The following FBXL18 variants were observed in gnomAD, a reference collection of about 807,000 sequenced individuals.
The protein encoded by FBXL18 is F-box/LRR-repeat protein 18.
Under a neutral mutation model 46.0 loss-of-function variants are expected in FBXL18, and 36 were observed. That is an observed-to-expected ratio of 0.78 (90% CI 0.60 to 1.03). The LOEUF is 1.03. Among genes scored for constraint, FBXL18 ranks in the 50% least tolerant of loss-of-function variants. FBXL18 has a pLI of 0.00. For missense variants in FBXL18, 977 were observed against 1,004.1 expected, an observed-to-expected ratio of 0.97 and a Z score of 0.36; for synonymous variants, 557 against 465.3, an observed-to-expected ratio of 1.20 and a Z score of -2.54.
At chr7:5,510,227 G>A (rs770943002) in intron 1 of FBXL18, among the ~76,000 whole-genome samples, 11 of 149,490 alleles carry the variant, frequency 7.4e-5, no homozygotes, top group South Asian at 2.1e-4. Flanking sequence ...TGCTTGAACC[G>A]AGGAGGTGGA....
chr7:5,508,228 T>C (rs573703815), intron 1 of FBXL18, among the ~76,000 whole-genome samples: 72 of 149,706 alleles, frequency 4.8e-4, no homozygotes, highest in Admixed American at 8.1e-4. Flanking sequence ...ATCGCGCCAC[T>C]GCACTCCAGC....
rs973161098 is a variant in FBXL18 at position 5,455,663 on chromosome 7, G to T, written c.2001-7820C>A. ...TTGCTGACCATCCACTTCCCCGCAG[G>T]GGGGCTCAAACCCAGGCTGTGAATT... On this transcript the variant is annotated intron_variant and NMD_transcript_variant, in intron 4 of 6. Transcript: ENST00000415009. This position sits in a 1 kb window ranked among gnomAD's most constrained non-coding sequence, Gnocchi z 4.6. 3.9e-5 allele frequency among the ~76,000 whole-genome samples: 6 copies of T among 152,060 alleles called. No individual in the cohort carries two copies. The highest frequency in any genetic ancestry group is 8.8e-5 in the Non-Finnish European group (6 of 68,012).
downstream of FBXL18, among the ~76,000 whole-genome samples, chr7:5,470,996 T>C (rs1295862930): frequency 2.0e-5 from 3 of 152,088 alleles, no homozygotes; most frequent in Non-Finnish European, 4.4e-5. Context: ...GCGTGCAGCA[T>C]CTCACCCGGG....
At chr7:5,483,945 C>A (rs1357334983) in intron 4 of FBXL18, among the ~76,000 whole-genome samples, 2 of 152,138 alleles carry the variant, frequency 1.3e-5, no homozygotes, top group Non-Finnish European at 2.9e-5. Flanking sequence ...GCTGGACTCA[C>A]GACACACAGA....
At chr7:5,483,035 C>G (rs1783687619) in intron 4 of FBXL18, among the ~76,000 whole-genome samples, 1 of 146,710 alleles carries the variant, frequency 6.8e-6, no homozygotes. Flanking sequence ...AAGACCCTGT[C>G]TCAAAAAAAA....
chr7:5,509,517 A>AC (rs1562708715), intron 1 of FBXL18, among the ~76,000 whole-genome samples: 1 of 151,888 alleles, frequency 6.6e-6, no homozygotes, highest in African/African-American at 2.4e-5. Context: ...ATATGGTGAA[A>AC]CCCCATGTCT....
At chr7:5,513,389 G>A (rs1784590983) in intron 1 of FBXL18, among the ~76,000 whole-genome samples, 1 of 152,160 alleles carries the variant, frequency 6.6e-6, no homozygotes, top group Non-Finnish European at 1.5e-5. Context: ...GACCCTCAGG[G>A]GACGGAGAGA....
rs571565641 is a variant in FBXL18 at position 5,491,492 on chromosome 7, C to T, written c.1782-43G>A. 8.8e-5 allele frequency: 132 copies of T among 1,496,084 alleles called. 1 individual carries two copies. In the South Asian group the frequency reaches 1.3e-3, roughly 15 times the overall value. 92.7% of individuals were successfully genotyped at this position (1,496,084 alleles called of 1,614,324 possible). ...AGCTGTGAGGTCCGAGGGAGGGGCT[C>T]GCAGGCCAGGCCAGCTGGGCGTCTG... On this transcript the variant is annotated intron_variant, in intron 3 of 4. Transcript: ENST00000382368.
At chr7:5,504,079 C>T (rs1390867538) in intron 2 of FBXL18, among the ~76,000 whole-genome samples, 1 of 151,706 alleles carries the variant, frequency 6.6e-6, no homozygotes, top group Middle Eastern at 3.2e-3. Flanking sequence ...AGGCCTGATA[C>T]CAGCGTTGCA....
chr7:5,468,766 A>T (rs967008342), intron 4 of FBXL18, among the ~76,000 whole-genome samples: 21 of 151,852 alleles, frequency 1.4e-4, no homozygotes, highest in Non-Finnish European at 2.6e-4. Context: ...ACGACGGGCT[A>T]ACTTTTTAGT....
At position 5,501,693 on chromosome 7, in the gene FBXL18, G is replaced by A. The variant is rs761764710; in HGVS notation, c.576C>T (p.Thr192=). The A allele has an allele frequency of 3.7e-6, 6 of 1,602,212 alleles. No individual in the cohort carries two copies. The highest frequency in any genetic ancestry group is 1.7e-5 in the Admixed American group (1 of 58,522). The part of the protein sequence containing the change: ...TPSYGVVPCC[T]SLEKLLLYFE... ...AGTAGAGCAGCAGCTTCTCTAGGCTGGTGCAGCAGGGCACCACGCCGTAGG... is the reference window on the plus strand; with the variant it reads ...AGTAGAGCAGCAGCTTCTCTAGGCTAGTGCAGCAGGGCACCACGCCGTAGG... The change falls in exon 3 of 5, where the codon ACC becomes ACT. Residue 192 remains threonine, a synonymous_variant. Transcript: ENST00000382368.
At chr7:5,463,223 G>A (rs1293076584) in intron 4 of FBXL18, among the ~76,000 whole-genome samples, 1 of 151,508 alleles carries the variant, frequency 6.6e-6, no homozygotes, top group Admixed American at 6.6e-5. Context: ...TGGTGCAGCT[G>A]CTGAGGAGAA....
At chr7:5,460,236 T>G (rs1297192489) in intron 4 of FBXL18, among the ~76,000 whole-genome samples, 1 of 152,050 alleles carries the variant, frequency 6.6e-6, no homozygotes, top group Non-Finnish European at 1.5e-5. Flanking sequence ...ACAGAGTGAG[T>G]GAGACTCGGT....
intron 4 of FBXL18, among the ~76,000 whole-genome samples, chr7:5,470,046 G>A (rs907612170): frequency 1.3e-5 from 2 of 152,030 alleles, no homozygotes; most frequent in African/African-American, 2.4e-5. Context: ...TTGGACGAGT[G>A]AGTGCACATG....
Position 5,480,504 on chromosome 7 carries a change from A to T in FBXL18, c.*1271T>A, listed in dbSNP as rs1333995868. 6.7e-6 allele frequency: 1 copy of T among 149,380 alleles called. No individual in the cohort carries two copies. Among genetic ancestry groups the T allele is most frequent in the Non-Finnish European group, 1.5e-5 (1 of 67,700 alleles). The allele number at this position is 149,380 out of a possible 1,614,324, so 9.3% of individuals were successfully genotyped here. ...GGCTGATCTCAAACTCCTGGGCTCA[A>T]GTGATCCTCCCAAAGTGTGTTGAAT... On this transcript the variant is annotated 3_prime_UTR_variant, in exon 5 of 5. Transcript: ENST00000382368.
chr7:5,474,679 CTTTATTTTTTA>C (rs151196965), downstream of FBXL18, among the ~76,000 whole-genome samples: 51,810 of 129,392 alleles, frequency 0.4, 10,235 homozygotes, highest in East Asian at 0.69. Flanking sequence ...AAATTATGCA[CTTTATTTTTTA>C]TTTATTTATT....
At chr7:5,465,380 T>C (rs1783327094) in intron 4 of FBXL18, among the ~76,000 whole-genome samples, 1 of 151,978 alleles carries the variant, frequency 6.6e-6, no homozygotes, top group Non-Finnish European at 1.5e-5. Flanking sequence ...TTTGTATGTT[T>C]AGTCGAGACG....
In FBXL18 at chr7:5,478,444, T is replaced by C. The variant is rs1002251377; in HGVS notation, c.*3331A>G. 1.3e-5 allele frequency: 2 copies of C among 152,568 alleles called. No individual in the cohort carries two copies. Among genetic ancestry groups the C allele is most frequent in the Non-Finnish European group, 2.9e-5 (2 of 68,396 alleles). 9.5% of individuals were successfully genotyped at this position (152,568 alleles called of 1,614,324 possible). ...CCTTCGGAAGCCTGGTGGAGCCGAG[T>C]GTTGCCTGGTGACGTGGAGCAGGAG... On this transcript the variant is annotated 3_prime_UTR_variant, in exon 5 of 5. Coordinates refer to ENST00000382368, the MANE Select transcript of FBXL18 (RefSeq NM_024963.6).
At chr7:5,495,652 C>T (rs1784057385) in intron 3 of FBXL18, among the ~76,000 whole-genome samples, 1 of 152,194 alleles carries the variant, frequency 6.6e-6, no homozygotes, top group East Asian at 1.9e-4. Flanking sequence ...ACCAAAGAGA[C>T]TCCGGCCGCC....
Sources: gnomAD v4.1 joint callset for allele counts (sites outside exome capture counted in the v4.1 genomes callset) on GRCh38, gnomAD v4.1.1 for gene constraint, Gnocchi (gnomAD v3.1) non-coding constraint, MANE v1.5 for transcripts, NCBI Gene and HGNC (gene_info 2026-07-23, HGNC 2026-07-21) for gene names.